ABCA1: variants seen among roughly 807,000 people sequenced by gnomAD.
The protein encoded by ABCA1 is phospholipid-transporting ATPase ABCA1.
A neutral mutation model predicts 262.5 loss-of-function variants in ABCA1; 133 were observed. That is an observed-to-expected ratio of 0.51 (90% CI 0.44 to 0.59). The LOEUF is 0.59. Ranked by LOEUF, ABCA1 falls within the 20% of genes least tolerant of loss-of-function variation. The probability of loss-of-function intolerance (pLI) is 0.00; values close to 1 mark genes in which losing one functional copy is unlikely to be tolerated. For synonymous variants in ABCA1, 1,022 were observed against 1,043.5 expected (o/e 0.98, Z 0.40); for missense variants, 2,452 against 2,777.5 (o/e 0.88, Z 2.63).
intron 5 of ABCA1, among the ~76,000 whole-genome samples, chr9:104,867,922 G>C (rs1407315424): frequency 1.3e-5 from 2 of 152,146 alleles, no homozygotes; most frequent in Non-Finnish European, 2.9e-5. Context: ...TGATCTCTGA[G>C]GTCTTCTTAC....
intron 15 of ABCA1, among the ~76,000 whole-genome samples, chr9:104,828,214 T>C (rs1424470710): frequency 1.3e-5 from 2 of 152,158 alleles, no homozygotes; most frequent in African/African-American, 4.8e-5. Flanking sequence ...CAGAGAGCCA[T>C]GTAGGCCCTG....
At chr9:104,905,309 A>G (rs1337138268) in intron 1 of ABCA1, among the ~76,000 whole-genome samples, 1 of 152,258 alleles carries the variant, frequency 6.6e-6, no homozygotes, top group East Asian at 1.9e-4. Flanking sequence ...TGCCAAGGTC[A>G]GTCTCTAGTA....
chr9:104,813,059 G>T (rs1428198852), intron 27 of ABCA1, among the ~76,000 whole-genome samples: 1 of 152,202 alleles, frequency 6.6e-6, no homozygotes, highest in Non-Finnish European at 1.5e-5. Context: ...ACTACTCTAT[G>T]AAACAGGCCA....
At chr9:104,862,054 A>ACACT (rs1360392296) in intron 5 of ABCA1, among the ~76,000 whole-genome samples, 2 of 144,276 alleles carry the variant, frequency 1.4e-5, no homozygotes, top group African/African-American at 5.4e-5. Context: ...GCTGTTACAC[A>ACACT]CACACACACA....
intron 19 of ABCA1, among the ~76,000 whole-genome samples, 162 bp downstream of exon 19, chr9:104,822,334 G>A (rs1297637445): frequency 6.6e-6 from 1 of 152,160 alleles, no homozygotes; most frequent in Non-Finnish European, 1.5e-5. Flanking sequence ...ACTAGCACGT[G>A]GAAAGACACT....
intron 1 of ABCA1, among the ~76,000 whole-genome samples, chr9:104,909,576 C>G (rs1258522081): frequency 6.7e-6 from 1 of 150,200 alleles, no homozygotes; most frequent in Non-Finnish European, 1.5e-5. Flanking sequence ...TACCAGACAG[C>G]AGACAGATTC....
chr9:104,793,351 T>C (rs1829597408), intron 40 of ABCA1, 51 bp from the exon 41 acceptor site: 3 of 1,613,400 alleles, frequency 1.9e-6, no homozygotes, highest in Non-Finnish European at 2.5e-6. Context: ...TCAAAAACCA[T>C]GGCCCTTCCT....
intron 17 of ABCA1, chr9:104,825,478 A>G: frequency 1.6e-6 from 1 of 639,470 alleles, no homozygotes; most frequent in Non-Finnish European, 2.8e-6. Flanking sequence ...GCTGCCTGGC[A>G]CACAGTTTTC....
chr9:104,862,674 C>CA lies in ABCA1; in HGVS notation c.422-875_422-874insT, dbSNP rs1836663726. Among the ~76,000 whole-genome samples, 2 of 9,212 alleles carry CA rather than the reference C, an allele frequency of 2.2e-4. 1 individual carries two copies. Among genetic ancestry groups the CA allele is most frequent in the Non-Finnish European group, 5.1e-4 (2 of 3,932 alleles). 6.0% of individuals were successfully genotyped at this position (9,212 alleles called of 152,430 possible). ...CGGGCCGGGCCGGGCCGGGCCGGGC[C>CA]GGGCCGGGCCGGGCCGGGCCGGGCC... On this transcript the variant is annotated intron_variant, in intron 5 of 49. Coordinates refer to ENST00000374736, the MANE Select transcript of ABCA1 (RefSeq NM_005502.4).
At position 104,830,869 on chromosome 9, in the gene ABCA1, A is replaced by C; in HGVS notation, c.1892+56T>G. The C allele has an allele frequency of 6.3e-7, 1 of 1,587,330 alleles. No individual in the cohort carries two copies. ...CATGCACATGCACACACATATATAC[A>C]CCCCCATCTGGCACAGTATAAACTG... On this transcript the variant is annotated intron_variant, in intron 14 of 49. Coordinates refer to ENST00000374736, the MANE Select transcript of ABCA1 (RefSeq NM_005502.4).
chr9:104,904,234 C>T (rs1840905810), intron 1 of ABCA1, among the ~76,000 whole-genome samples: 1 of 152,164 alleles, frequency 6.6e-6, no homozygotes. Context: ...TCCTTACATA[C>T]TAATTTTCAG....
At chr9:104,787,195 G>C (rs1829004773) in intron 46 of ABCA1, among the ~76,000 whole-genome samples, 1 of 152,092 alleles carries the variant, frequency 6.6e-6, no homozygotes, top group African/African-American at 2.4e-5. Flanking sequence ...CAAATATTCT[G>C]AGTACTTTTT....
At chr9:104,806,558 A>G (rs1434606955) in intron 30 of ABCA1, 128 bp from the exon 31 acceptor site, 1 of 907,534 alleles carries the variant, frequency 1.1e-6, no homozygotes. Context: ...TGGAAAAGAC[A>G]AGCATGATCT....
At chr9:104,892,259 C>T (rs1410491650) in intron 2 of ABCA1, among the ~76,000 whole-genome samples, 1 of 151,966 alleles carries the variant, frequency 6.6e-6, no homozygotes, top group African/African-American at 2.4e-5. Context: ...ACTCAAATTT[C>T]CAAGCTTGGG....
intron 5 of ABCA1, among the ~76,000 whole-genome samples, chr9:104,874,235 A>G (rs1429452056): frequency 6.6e-6 from 1 of 152,246 alleles, no homozygotes; most frequent in African/African-American, 2.4e-5. Context: ...AGTCAGAGCC[A>G]TATCAGAAAG....
intron 1 of ABCA1, among the ~76,000 whole-genome samples, chr9:104,907,420 G>T (rs897213924): frequency 3.3e-5 from 5 of 152,146 alleles, no homozygotes; most frequent in African/African-American, 9.7e-5. Context: ...GACCATTTCT[G>T]TTTCCTTCAT....
intron 46 of ABCA1, 164 bp downstream of exon 46, chr9:104,787,756 T>C (rs900646950): frequency 1.4e-5 from 12 of 878,900 alleles, no homozygotes; most frequent in African/African-American, 1.8e-5. Context: ...GCCACCCCAG[T>C]GTGTGCCAAG....
At chr9:104,867,790 T>TA (rs1320473998) in intron 5 of ABCA1, among the ~76,000 whole-genome samples, 1 of 152,190 alleles carries the variant, frequency 6.6e-6, no homozygotes, top group Admixed American at 6.5e-5. Context: ...GAAAGACCAA[T>TA]CATTCCACAC....
chr9:104,875,089 GCTGTGT>G (rs997169387), intron 5 of ABCA1, among the ~76,000 whole-genome samples: 6 of 151,974 alleles, frequency 3.9e-5, no homozygotes, highest in African/African-American at 1.5e-4. Context: ...TCAGATTGTT[GCTGTGT>G]CTGTGTAGAA....
Sources: gnomAD v4.1 joint callset for allele counts (sites outside exome capture counted in the v4.1 genomes callset) on GRCh38, gnomAD v4.1.1 for gene constraint, MANE v1.5 for transcripts, NCBI Gene and HGNC (gene_info 2026-07-23, HGNC 2026-07-21) for gene names.